Variants in DHX32 observed in about 807,000 individuals in gnomAD.
DHX32 encodes putative pre-mRNA-splicing factor ATP-dependent RNA helicase DHX32.
In DHX32, 51 loss-of-function variants were observed where a neutral mutation model predicts 70.0. The observed-to-expected ratio is 0.73, with a 90% confidence interval of 0.58 to 0.92. The LOEUF is 0.92. DHX32 is among the 40% of genes least tolerant of loss of function. The probability of loss-of-function intolerance (pLI) is 0.00; values close to 1 mark genes in which losing one functional copy is unlikely to be tolerated. For missense variants in DHX32, 762 were observed against 891.8 expected (o/e 0.85, Z 1.85); for synonymous variants, 310 against 315.3 (o/e 0.98, Z 0.18).
In DHX32 at chr10:125,850,030, G is replaced by A. The variant is rs920033125; in HGVS notation, c.1351+2263C>T. On this transcript the variant is annotated intron_variant, in intron 6 of 10. Transcript: ENST00000284690. ...CACCCTGTCTGAAGTACAGTAGCACGATCATAGCTCACTGCAACCTTGAAC... is the reference window on the plus strand; with the variant it reads ...CACCCTGTCTGAAGTACAGTAGCACAATCATAGCTCACTGCAACCTTGAAC... Among the ~76,000 whole-genome samples the A allele has an allele frequency of 2.0e-5, 3 of 151,484 alleles. 1 individual carries two copies. Among genetic ancestry groups the A allele is most frequent in the South Asian group, 4.2e-4 (2 of 4,806 alleles).
chr10:125,838,197 T>G lies in DHX32; in HGVS notation c.2063+9A>C. 6.4e-7 allele frequency: 1 copy of G among 1,572,644 alleles called. No homozygotes were observed. Among genetic ancestry groups the G allele is most frequent in the Middle Eastern group, 1.7e-4 (1 of 5,860 alleles). On this transcript the variant is annotated intron_variant, in intron 10 of 10. Coordinates refer to ENST00000284690, the MANE Select transcript of DHX32 (RefSeq NM_018180.3). ...AAAAATACAACCCTTTCTTCTCCATTAAACTTACAGTTCAGGAGAGATTTC... is the reference window on the plus strand; with the variant it reads ...AAAAATACAACCCTTTCTTCTCCATGAAACTTACAGTTCAGGAGAGATTTC...
chr10:125,895,065 T>C (rs2134088549), intron 1 of DHX32, among the ~76,000 whole-genome samples: 1 of 152,420 alleles, frequency 6.6e-6, no homozygotes, highest in South Asian at 2.1e-4. Flanking sequence ...CTTGTCAATA[T>C]CCACACATAA....
Position 125,841,807 on chromosome 10 carries a change from A to G in DHX32, c.1479T>C (p.Ser493=). 6.2e-7 allele frequency: 1 copy of G among 1,613,588 alleles called. No homozygotes were observed. The highest frequency in any genetic ancestry group is 8.5e-7 in the Non-Finnish European group (1 of 1,179,924). Residue 493 remains serine, a synonymous_variant, in exon 7 of 11, where the codon TCT becomes TCC. Coordinates refer to ENST00000284690, the MANE Select transcript of DHX32 (RefSeq NM_018180.3). ...EFPLDPQLSK[S]ILASCEFDCV... ...AGTCAAATTCACAGGACGCTAAGAT[A>G]GACTTCGAGAGTTGTGGATCAAGAG...
chr10:125,853,223 G>C, intron 4 of DHX32: 1 of 1,609,486 alleles, frequency 6.2e-7, no homozygotes. Context: ...CTTCATGACT[G>C]TTGGAATTGC....
chr10:125,881,948 G>C (rs1016737899), upstream of DHX32, among the ~76,000 whole-genome samples: 1 of 152,128 alleles, frequency 6.6e-6, no homozygotes, highest in Non-Finnish European at 1.5e-5. Flanking sequence ...CAGCTGGCTG[G>C]CTTTTATTAA....
intron 3 of DHX32, among the ~76,000 whole-genome samples, chr10:125,858,195 C>T (rs774222611): frequency 1.3e-5 from 2 of 152,144 alleles, no homozygotes; most frequent in Non-Finnish European, 2.9e-5. Flanking sequence ...GCCACAGTGC[C>T]CGGCCTACGT....
intron 6 of DHX32, among the ~76,000 whole-genome samples, chr10:125,851,202 A>G (rs1944085124): frequency 6.6e-6 from 1 of 152,226 alleles, no homozygotes. Flanking sequence ...AGCAGCTGCG[A>G]GCATCTTTTT....
intron 1 of DHX32, among the ~76,000 whole-genome samples, chr10:125,871,784 C>T (rs1217885260): frequency 6.6e-6 from 1 of 152,028 alleles, no homozygotes; most frequent in Non-Finnish European, 1.5e-5. Context: ...ACAAAGAACT[C>T]TTGCCTTCTC....
intron 2 of DHX32, among the ~76,000 whole-genome samples, chr10:125,864,161 G>A (rs1417512091): frequency 1.3e-5 from 2 of 152,122 alleles, no homozygotes; most frequent in African/African-American, 4.8e-5. Flanking sequence ...CCTCTTTCCT[G>A]TGACTCAAAC....
chr10:125,887,404 A>C (rs967052150), intron 1 of DHX32, among the ~76,000 whole-genome samples: 1 of 152,178 alleles, frequency 6.6e-6, no homozygotes, highest in African/African-American at 2.4e-5. Context: ...GCTGGTACCT[A>C]ATTGCAGAGA....
At chr10:125,854,251 C>G (rs765292076) in intron 3 of DHX32, 48 bp from the exon 4 acceptor site, 8 of 1,513,216 alleles carry the variant, frequency 5.3e-6, no homozygotes, top group Non-Finnish European at 7.0e-6. Context: ...CAAACAACAT[C>G]ACTATTAAAA....
intron 3 of DHX32, among the ~76,000 whole-genome samples, chr10:125,855,316 C>A (rs1180247310): frequency 2.0e-5 from 3 of 152,056 alleles, no homozygotes; most frequent in Admixed American, 6.6e-5. Flanking sequence ...TAGGAGGACA[C>A]GCATTCATTC....
chr10:125,885,672 C>T (rs1045674808), upstream of DHX32, among the ~76,000 whole-genome samples: 6 of 152,124 alleles, frequency 3.9e-5, no homozygotes, highest in Admixed American at 1.3e-4. Context: ...TTCTGATCTA[C>T]GAAGCTGTTA....
chr10:125,884,537 A>G (rs1049792465), upstream of DHX32, among the ~76,000 whole-genome samples: 1 of 152,250 alleles, frequency 6.6e-6, no homozygotes, highest in African/African-American at 2.4e-5. Flanking sequence ...TCAATCTATT[A>G]CAGCTCTTAA....
chr10:125,869,143 G>A (rs905844788), intron 1 of DHX32, among the ~76,000 whole-genome samples: 2 of 152,092 alleles, frequency 1.3e-5, no homozygotes, highest in Non-Finnish European at 2.9e-5. Flanking sequence ...TTATTCCTTA[G>A]CAAGTAATTT....
At chr10:125,883,015 A>G (rs796605774), upstream of DHX32, among the ~76,000 whole-genome samples, 10 of 152,346 alleles carry the variant, frequency 6.6e-5, no homozygotes, top group African/African-American at 2.4e-4. Context: ...CCTTAAAAAA[A>G]GAACAGCTAT....
chr10:125,888,328 C>T (rs1462045052), intron 1 of DHX32, among the ~76,000 whole-genome samples: 1 of 151,762 alleles, frequency 6.6e-6, no homozygotes, highest in African/African-American at 2.4e-5. Context: ...CTCAGTCTCT[C>T]GAGTAGTGGG....
intron 6 of DHX32, chr10:125,842,706 A>C: frequency 2.3e-5 from 10 of 443,870 alleles, no homozygotes; most frequent in Non-Finnish European, 3.0e-5. Flanking sequence ...TGCATAATAC[A>C]GAGAAAAATT....
At position 125,880,678 on chromosome 10, in the gene DHX32, T is replaced by C. The variant is rs1355093257; in HGVS notation, c.147A>G (p.Ser49=). ...CTTTCAGAAGTTTATAATAACGTGA[T>C]GAATATGGCAATCCATCAAAGGGGT... The part of the protein sequence containing the change: ...ELNPFDGLPY[S]SRYYKLLKER... The change falls in exon 1 of 11, where the codon TCA becomes TCG. Residue 49 remains serine (S), a synonymous_variant. Coordinates refer to ENST00000284690, the MANE Select transcript of DHX32 (RefSeq NM_018180.3). The C allele has an allele frequency of 6.2e-7, 1 of 1,614,096 alleles. No homozygotes were observed. Among genetic ancestry groups the C allele is most frequent in the Non-Finnish European group, 8.5e-7 (1 of 1,180,044 alleles).
Sources: gnomAD v4.1 joint callset for allele counts (sites outside exome capture counted in the v4.1 genomes callset) on GRCh38, gnomAD v4.1.1 for gene constraint, MANE v1.5 for transcripts, NCBI Gene and HGNC (gene_info 2026-07-23, HGNC 2026-07-21) for gene names.